RUFY4: variants seen among roughly 807,000 people sequenced by gnomAD.
The protein encoded by RUFY4 is RUN and FYVE domain containing 4, also known as RUN and FYVE domain-containing protein 4.
In RUFY4, 73 loss-of-function variants were observed where a neutral mutation model predicts 69.0. The observed-to-expected ratio is 1.06, with a 90% CI of 0.88 to 1.29. The LOEUF (loss-of-function observed/expected upper bound fraction) is 1.29, where lower values mean the gene tolerates loss of function less well. RUFY4 is among the 50% of genes most tolerant of loss of function. The pLI is 0.00. For synonymous variants in RUFY4, 287 were observed against 271.8 expected, an observed-to-expected ratio of 1.06 and a Z score of -0.55; for missense variants, 770 against 705.6, an observed-to-expected ratio of 1.09 and a Z score of -1.03.
chr2:218,067,130 C>T (rs964580588), upstream of RUFY4, among the ~76,000 whole-genome samples: 1 of 152,230 alleles, frequency 6.6e-6, no homozygotes, highest in Non-Finnish European at 1.5e-5. Context: ...AAGCCATCTC[C>T]GCATCCGGTC....
intron 7 of RUFY4, 115 bp downstream of exon 9, chr2:218,075,855 GC>G: frequency 9.5e-7 from 1 of 1,056,948 alleles, no homozygotes; most frequent in Non-Finnish European, 1.3e-6. Flanking sequence ...ATTTTTATTG[GC>G]CCACTCAGGA....
chr2:218,074,027 T>C, intron 6 of RUFY4, 142 bp downstream of exon 8: 2 of 827,806 alleles, frequency 2.4e-6, no homozygotes, highest in Non-Finnish European at 4.1e-6. Flanking sequence ...GGCCAGTGTG[T>C]GGAGCAGGGG....
chr2:218,073,512 C>A (rs746777319), intron 5 of RUFY4, 126 bp downstream of exon 7: 1 of 1,317,910 alleles, frequency 7.6e-7, no homozygotes, highest in Admixed American at 2.2e-5. Context: ...TTGCTCCATG[C>A]CTTTGGATTC....
At chr2:218,039,623 C>G (rs774965856) in intron 2 of RUFY4, among the ~76,000 whole-genome samples, 5 of 152,156 alleles carry the variant, frequency 3.3e-5, no homozygotes, top group Non-Finnish European at 7.3e-5. Context: ...CAGACATTAG[C>G]TGCTGGGGGA....
intron 3 of RUFY4, chr2:218,060,309 C>G (rs1213737277): frequency 6.7e-7 from 1 of 1,503,272 alleles, no homozygotes. Flanking sequence ...AAGGGAGGAA[C>G]CCCACGGGAC....
intron 9 of RUFY4, among the ~76,000 whole-genome samples, chr2:218,085,507 A>C (rs112455605): frequency 0.025 from 3,751 of 152,310 alleles, 54 homozygotes; most frequent in South Asian, 0.049. Context: ...TGGAGGAGCT[A>C]ACCACAGAGG....
intron 1 of RUFY4, 45 bp downstream of exon 3, chr2:218,070,696 A>C: frequency 6.5e-7 from 1 of 1,535,814 alleles, no homozygotes; most frequent in Non-Finnish European, 8.7e-7. Context: ...TCATGGGAGA[A>C]GTCAGGGTCT....
intron 2 of RUFY4, among the ~76,000 whole-genome samples, chr2:218,046,611 C>A (rs1162814477): frequency 6.6e-6 from 1 of 152,126 alleles, no homozygotes; most frequent in Admixed American, 6.6e-5. Context: ...CTTAAAAATA[C>A]AGCATTATAA....
intron 10 of RUFY4, 122 bp downstream of exon 12, chr2:218,089,484 A>C (rs1379859352): frequency 1.4e-6 from 1 of 729,616 alleles, no homozygotes; most frequent in East Asian, 2.7e-5. Context: ...GGCCACTTAC[A>C]GCTGACTACT....
At chr2:218,066,385 T>C (rs1025099607), upstream of RUFY4, among the ~76,000 whole-genome samples, 2 of 151,802 alleles carry the variant, frequency 1.3e-5, no homozygotes, top group African/African-American at 4.8e-5. Flanking sequence ...GGTTTTGCCA[T>C]GTTGGTCTCG....
At chr2:218,073,940 C>A in intron 6 of RUFY4, 55 bp downstream of exon 8, 1 of 1,560,764 alleles carries the variant, frequency 6.4e-7, no homozygotes, top group South Asian at 1.1e-5. Context: ...CCTTGGCATC[C>A]TCAAGTTGAG....
At chr2:218,058,943 C>T (rs1004367969) in intron 3 of RUFY4, among the ~76,000 whole-genome samples, 2 of 152,144 alleles carry the variant, frequency 1.3e-5, no homozygotes, top group African/African-American at 2.4e-5. Context: ...TTCCATGATG[C>T]GTGGTCTGCA....
chr2:218,070,757 C>G (rs561469305), exon 2 of RUFY4: 1 of 1,536,788 alleles, frequency 6.5e-7, no homozygotes, highest in Non-Finnish European at 8.7e-7. Context: ...CAGCAGCTGC[C>G]GTCTCTGCCA....
exon 5 of RUFY4, chr2:218,073,268 C>G (rs1292591143): frequency 1.3e-6 from 2 of 1,552,480 alleles, no homozygotes; most frequent in Non-Finnish European, 1.7e-6. Flanking sequence ...CCGGAGCCCT[C>G]TGCTCTGCCC....
chr2:218,072,835 G>A, exon 4 of RUFY4: 1 of 1,535,870 alleles, frequency 6.5e-7, no homozygotes, highest in Non-Finnish European at 8.7e-7. Flanking sequence ...TGGCCCGTGG[G>A]CAGCTGGCTG....
intron 9 of RUFY4, among the ~76,000 whole-genome samples, chr2:218,084,908 C>T (rs1356428299): frequency 2.0e-5 from 3 of 151,974 alleles, no homozygotes; most frequent in Non-Finnish European, 2.9e-5. Context: ...ATTAGCTGGG[C>T]GTGTTAGCGG....
At chr2:218,041,925 T>G (rs1267792372) in intron 2 of RUFY4, among the ~76,000 whole-genome samples, 1 of 152,246 alleles carries the variant, frequency 6.6e-6, no homozygotes, top group Non-Finnish European at 1.5e-5. Flanking sequence ...TTATTCTCAG[T>G]TACTGCTACT....
At chr2:218,039,939 G>A (rs571960643) in intron 2 of RUFY4, among the ~76,000 whole-genome samples, 1 of 152,308 alleles carries the variant, frequency 6.6e-6, no homozygotes, top group Admixed American at 6.5e-5. Flanking sequence ...TCCAAACGCA[G>A]CTCAAGTGCA....
At chr2:218,083,387 C>T in intron 9 of RUFY4, 131 bp downstream of exon 11, 2 of 1,209,774 alleles carry the variant, frequency 1.7e-6, no homozygotes, top group Non-Finnish European at 2.2e-6. Flanking sequence ...TAAGCTAACC[C>T]TTCTGTTTCT....
Sources: allele counts gnomAD v4.1 joint callset (sites outside exome capture counted in the v4.1 genomes callset), GRCh38; gene constraint gnomAD v4.1.1; transcripts MANE v1.5; gene names NCBI Gene and HGNC (gene_info 2026-07-23, HGNC 2026-07-21).